Variants in NRXN1 observed in about 807,000 individuals in gnomAD.
The protein encoded by NRXN1 is neurexin 1.
Under a neutral mutation model 150.9 loss-of-function variants are expected in NRXN1, and 39 were observed. That is an observed-to-expected ratio of 0.26 (90% CI 0.20 to 0.34). NRXN1 has a LOEUF of 0.34. Ranked by LOEUF, NRXN1 falls within the 10% of genes least tolerant of loss-of-function variation. NRXN1 has a pLI of 1.00. For missense variants in NRXN1, 1,815 were observed against 1,949.9 expected (o/e 0.93, Z 1.30); for synonymous variants, 924 against 757.0 (o/e 1.22, Z -3.62).
At chr2:50,966,443 C>A (rs1048968956) in intron 2 of NRXN1, among the ~76,000 whole-genome samples, 3 of 151,478 alleles carry the variant, frequency 2.0e-5, no homozygotes, top group African/African-American at 4.8e-5. Context: ...TAACGGAGGG[C>A]CTTATTATTT....
chr2:50,668,642 T>C (rs1688407311), intron 5 of NRXN1, among the ~76,000 whole-genome samples: 1 of 152,036 alleles, frequency 6.6e-6, no homozygotes, highest in South Asian at 2.1e-4. Context: ...AACAGTCTCC[T>C]CAATTACTTC....
intron 17 of NRXN1, among the ~76,000 whole-genome samples, chr2:50,362,551 T>C (rs1482630858): frequency 6.6e-6 from 1 of 152,142 alleles, no homozygotes; most frequent in African/African-American, 2.4e-5. Context: ...ACGAAGGACC[T>C]CTTCAAGGAG....
At chr2:49,975,634 T>G (rs1445572790) in intron 21 of NRXN1, among the ~76,000 whole-genome samples, 1 of 152,210 alleles carries the variant, frequency 6.6e-6, no homozygotes, top group African/African-American at 2.4e-5. Flanking sequence ...TTTTTTCTAT[T>G]TATTCAGACT....
intron 17 of NRXN1, among the ~76,000 whole-genome samples, chr2:50,273,643 T>C (rs182993156): frequency 1.8e-4 from 27 of 152,246 alleles, no homozygotes; most frequent in African/African-American, 6.0e-4. Flanking sequence ...AAGGGCCTGA[T>C]ACATCTTAAG....
chr2:50,569,896 T>C (rs1335001138), intron 8 of NRXN1, among the ~76,000 whole-genome samples: 1 of 152,144 alleles, frequency 6.6e-6, no homozygotes, highest in African/African-American at 2.4e-5. Context: ...ATTATAATTA[T>C]ATGATGAAAC....
chr2:50,977,058 T>C (rs1409143643), intron 2 of NRXN1, among the ~76,000 whole-genome samples: 1 of 151,944 alleles, frequency 6.6e-6, no homozygotes. Context: ...AACAGAATTA[T>C]AGAGAGGGAG....
At chr2:50,667,224 T>C (rs1370091283) in intron 5 of NRXN1, among the ~76,000 whole-genome samples, 1 of 151,952 alleles carries the variant, frequency 6.6e-6, no homozygotes, top group African/African-American at 2.4e-5. Context: ...TTTCTGATGA[T>C]GCATCTTAAT....
chr2:50,411,909 T>G (rs1276132404), intron 17 of NRXN1, among the ~76,000 whole-genome samples: 1 of 152,180 alleles, frequency 6.6e-6, no homozygotes, highest in Non-Finnish European at 1.5e-5. Flanking sequence ...AGAGATCAGA[T>G]TGTTACTGTG....
chr2:50,755,749 A>G (rs1406276397), intron 5 of NRXN1, among the ~76,000 whole-genome samples: 2 of 151,970 alleles, frequency 1.3e-5, no homozygotes, highest in South Asian at 4.1e-4. Context: ...AATAAGAACA[A>G]CAATAGAAAT....
intron 2 of NRXN1, among the ~76,000 whole-genome samples, chr2:50,980,312 A>G (rs1327364771): frequency 6.6e-6 from 1 of 152,136 alleles, no homozygotes; most frequent in Non-Finnish European, 1.5e-5. Context: ...TGAGGTAATT[A>G]ATATATTAAT....
rs752054155 is a variant in NRXN1 at position 50,645,088 on chromosome 2, G to C, written c.833-21473C>G. Reference sequence around the variant, plus strand: ...TTTCCACCAGACAAGAGTCACCCCAGTCACTAAACAAATTGACCAATTTCA... The same window carrying C: ...TTTCCACCAGACAAGAGTCACCCCACTCACTAAACAAATTGACCAATTTCA... On this transcript the variant is annotated intron_variant, in intron 5 of 22. Transcript: ENST00000401669. Among the ~76,000 whole-genome samples, 8 of 151,734 alleles carry C rather than the reference G, an allele frequency of 5.3e-5. 1 individual carries two copies. Among genetic ancestry groups the C allele is most frequent in the Middle Eastern group, 6.3e-3 (2 of 316 alleles).
At chr2:50,299,134 T>C (rs1219516441) in intron 17 of NRXN1, among the ~76,000 whole-genome samples, 2 of 152,162 alleles carry the variant, frequency 1.3e-5, no homozygotes, top group Non-Finnish European at 2.9e-5. Flanking sequence ...ATTTATTTTT[T>C]ATATACAGAA....
chr2:50,203,411 C>T (rs2062331495), intron 18 of NRXN1, among the ~76,000 whole-genome samples: 1 of 152,012 alleles, frequency 6.6e-6, no homozygotes, highest in African/African-American at 2.4e-5. Context: ...TATTTTTGTA[C>T]AAGGGTCCAT....
intron 5 of NRXN1, among the ~76,000 whole-genome samples, chr2:50,829,064 C>T (rs1559322470): frequency 2.0e-5 from 3 of 152,052 alleles, no homozygotes. Context: ...CCGTCTCCAC[C>T]AAAAAAATAC....
intron 17 of NRXN1, among the ~76,000 whole-genome samples, chr2:50,377,200 G>C (rs1460562963): frequency 6.6e-6 from 1 of 151,978 alleles, no homozygotes; most frequent in African/African-American, 2.4e-5. Context: ...CCATCACCTA[G>C]GTATTAAGCC....
At chr2:50,785,243 CTTTTTTTTTTT>C (rs35158893) in intron 5 of NRXN1, among the ~76,000 whole-genome samples, 3 of 106,066 alleles carry the variant, frequency 2.8e-5, no homozygotes, top group Non-Finnish European at 3.8e-5. Context: ...AGAAAATACA[CTTTTTTTTTTT>C]TTTTTTTTTT....
At chr2:50,649,285 C>CACACAT (rs1685259646) in intron 5 of NRXN1, among the ~76,000 whole-genome samples, 1 of 151,286 alleles carries the variant, frequency 6.6e-6, no homozygotes, top group Admixed American at 6.6e-5. Flanking sequence ...CACACACACA[C>CACACAT]ACACACACAC....
At chr2:50,259,407 T>C (rs1574794400) in intron 17 of NRXN1, among the ~76,000 whole-genome samples, 2 of 151,990 alleles carry the variant, frequency 1.3e-5, no homozygotes, top group Middle Eastern at 3.4e-3. Flanking sequence ...TTAAGTAATA[T>C]AAGGGGTTTG....
chr2:50,253,377 T>C (rs2067356287), intron 17 of NRXN1, among the ~76,000 whole-genome samples: 1 of 152,174 alleles, frequency 6.6e-6, no homozygotes, highest in Admixed American at 6.6e-5. Flanking sequence ...TTTAACTTCC[T>C]TTCTTCCTAT....
Sources: gnomAD v4.1 joint callset for allele counts (sites outside exome capture counted in the v4.1 genomes callset) on GRCh38, gnomAD v4.1.1 for gene constraint, MANE v1.5 for transcripts, NCBI Gene and HGNC (gene_info 2026-07-23, HGNC 2026-07-21) for gene names.